Variants in CHRM3 observed in about 807,000 individuals in gnomAD.
CHRM3 encodes cholinergic receptor muscarinic 3, also known as muscarinic acetylcholine receptor M3.
In CHRM3, 11 loss-of-function variants were observed where a neutral mutation model predicts 41.8. The ratio of observed to expected loss-of-function variants is 0.26; its 90% CI spans 0.17 to 0.44. The LOEUF (loss-of-function observed/expected upper bound fraction) is 0.44, where lower values mean the gene tolerates loss of function less well. CHRM3 is among the 20% of genes least tolerant of loss of function. CHRM3 has a pLI of 1.00. For missense variants in CHRM3, 571 were observed against 745.4 expected (o/e 0.77, Z 2.72); for synonymous variants, 297 against 301.4 (o/e 0.99, Z 0.15).
chr1:239,560,212 T>C (rs1660727855), intron 3 of CHRM3, among the ~76,000 whole-genome samples: 1 of 152,242 alleles, frequency 6.6e-6, no homozygotes. Flanking sequence ...TTTACAATAA[T>C]GTTAGGAAAT....
intron 1 of CHRM3, among the ~76,000 whole-genome samples, chr1:239,400,162 G>T (rs1402649954): frequency 6.6e-6 from 1 of 152,286 alleles, no homozygotes; most frequent in African/African-American, 2.4e-5. Context: ...GCCCACCTCG[G>T]CCTTCCAAAG....
At chr1:239,508,406 T>C (rs952906211) in intron 2 of CHRM3, among the ~76,000 whole-genome samples, 1 of 152,232 alleles carries the variant, frequency 6.6e-6, no homozygotes, top group African/African-American at 2.4e-5. Flanking sequence ...AGGAATTCTT[T>C]GTGTTTTTCA....
intron 6 of CHRM3, among the ~76,000 whole-genome samples, chr1:239,827,594 G>T (rs1232319458): frequency 6.6e-6 from 1 of 152,114 alleles, no homozygotes; most frequent in African/African-American, 2.4e-5. Context: ...ATGACATAGG[G>T]TGGGTAAAAG....
At chr1:239,508,209 C>A (rs1668697256) in intron 2 of CHRM3, among the ~76,000 whole-genome samples, 3 of 152,116 alleles carry the variant, frequency 2.0e-5, no homozygotes, top group Admixed American at 2.0e-4. Flanking sequence ...TATGCATTTT[C>A]CATTTAAGAA....
At chr1:239,516,592 C>T (rs959396978) in intron 2 of CHRM3, among the ~76,000 whole-genome samples, 1 of 152,166 alleles carries the variant, frequency 6.6e-6, no homozygotes, top group Non-Finnish European at 1.5e-5. Flanking sequence ...CCTCTTGAAG[C>T]TTCAGTTCCT....
At chr1:239,684,437 T>C (rs1658872030) in intron 5 of CHRM3, among the ~76,000 whole-genome samples, 2 of 152,024 alleles carry the variant, frequency 1.3e-5, no homozygotes, top group South Asian at 4.1e-4. Flanking sequence ...CTCACGCCTG[T>C]AATCTCAGGA....
chr1:239,642,860 G>A (rs984453168), intron 4 of CHRM3, among the ~76,000 whole-genome samples: 2 of 152,138 alleles, frequency 1.3e-5, no homozygotes, highest in African/African-American at 4.8e-5. Context: ...AGAGTTTCCA[G>A]TTTTTCTGCT....
At chr1:239,707,096 G>T (rs1025643321) in intron 5 of CHRM3, 2 of 152,204 alleles carry the variant, frequency 1.3e-5, no homozygotes, top group Non-Finnish European at 2.9e-5. Flanking sequence ...GTGGACAAAT[G>T]AACGAACCTT....
intron 4 of CHRM3, among the ~76,000 whole-genome samples, chr1:239,674,435 C>T (rs889683143): frequency 3.3e-5 from 5 of 152,086 alleles, no homozygotes; most frequent in East Asian, 3.9e-4. Flanking sequence ...ACTGGCTGGG[C>T]GCGGTGGCTC....
At chr1:239,864,673 A>C (rs1388804183) in intron 6 of CHRM3, among the ~76,000 whole-genome samples, 1 of 152,176 alleles carries the variant, frequency 6.6e-6, no homozygotes, top group Non-Finnish European at 1.5e-5. Flanking sequence ...CGGGAATAAG[A>C]CAGGGACAAC....
At chr1:239,798,537 A>G (rs57737901) in intron 5 of CHRM3, among the ~76,000 whole-genome samples, 7,635 of 152,274 alleles carry the variant, frequency 0.05, 602 homozygotes, top group African/African-American at 0.17. Context: ...CACACAGTAG[A>G]CACTCAACAA....
intron 3 of CHRM3, among the ~76,000 whole-genome samples, chr1:239,596,468 T>G (rs1664789010): frequency 1.3e-5 from 2 of 152,174 alleles, no homozygotes; most frequent in African/African-American, 4.8e-5. Flanking sequence ...TTTAAAAAAT[T>G]CTCAGCAAAA....
At chr1:239,418,518 C>G (rs1302506521) in intron 1 of CHRM3, among the ~76,000 whole-genome samples, 1 of 152,088 alleles carries the variant, frequency 6.6e-6, no homozygotes, top group Non-Finnish European at 1.5e-5. Context: ...GGACTATAAC[C>G]TATATCTTAG....
rs1414348389 is a variant in CHRM3 at position 239,584,347 on chromosome 1, G to T, written c.-313+38598G>T. Among the ~76,000 whole-genome samples the T allele has an allele frequency of 4.0e-5, 6 of 151,736 alleles. No homozygotes were observed. The East Asian group carries it at 7.8e-4, about 20-fold the overall frequency. On this transcript the variant is annotated intron_variant, in intron 3 of 6. Transcript: ENST00000676153. ...TCGAACACCTGATCTCAAGTGATCTGCCCGCCTCAGCCTCCCAAAGTGCTG... is the reference window on the plus strand; with the variant it reads ...TCGAACACCTGATCTCAAGTGATCTTCCCGCCTCAGCCTCCCAAAGTGCTG...
intron 6 of CHRM3, among the ~76,000 whole-genome samples, chr1:239,878,950 G>T (rs1027301921): frequency 6.6e-6 from 1 of 152,104 alleles, no homozygotes; most frequent in African/African-American, 2.4e-5. Context: ...GGACTTTACA[G>T]GTCTACAGTG....
chr1:239,745,416 A>G (rs903331244), intron 5 of CHRM3, among the ~76,000 whole-genome samples: 9 of 151,882 alleles, frequency 5.9e-5, no homozygotes, highest in Non-Finnish European at 1.2e-4. Context: ...AGCTATGGAA[A>G]GGTTGTATGC....
chr1:239,750,102 C>G (rs1206352887), intron 5 of CHRM3, among the ~76,000 whole-genome samples: 2 of 152,212 alleles, frequency 1.3e-5, no homozygotes, highest in Admixed American at 6.5e-5. Context: ...TCTTACCACT[C>G]TCTTCTGAAC....
At chr1:239,604,682 C>T (rs190382094) in intron 3 of CHRM3, among the ~76,000 whole-genome samples, 1 of 152,254 alleles carries the variant, frequency 6.6e-6, no homozygotes, top group Admixed American at 6.5e-5. Flanking sequence ...AGAAATAGAT[C>T]TCAACACAGA....
intron 3 of CHRM3, among the ~76,000 whole-genome samples, chr1:239,627,630 G>T (rs1449262748): frequency 6.9e-6 from 1 of 144,764 alleles, no homozygotes; most frequent in East Asian, 2.0e-4. Flanking sequence ...TGATTTTGCA[G>T]CGGCTGGTAC....
Sources: allele counts gnomAD v4.1 joint callset (sites outside exome capture counted in the v4.1 genomes callset), GRCh38; gene constraint gnomAD v4.1.1; transcripts MANE v1.5; gene names NCBI Gene and HGNC (gene_info 2026-07-23, HGNC 2026-07-21).